Variants in PRKN observed in about 807,000 individuals in gnomAD.
PRKN encodes parkin RBR E3 ubiquitin protein ligase.
A neutral mutation model predicts 59.5 loss-of-function variants in PRKN; 56 were observed. The observed-to-expected ratio is 0.94, with a 90% CI of 0.76 to 1.18. The LOEUF is 1.18. PRKN is among the 50% of genes most tolerant of loss of function. The pLI is 0.00. For synonymous variants in PRKN, 250 were observed against 222.1 expected (o/e 1.13, Z -1.12); for missense variants, 657 against 596.4 (o/e 1.10, Z -1.06).
At chr6:161,927,447 A>G (rs1242927486) in intron 6 of PRKN, among the ~76,000 whole-genome samples, 2 of 152,202 alleles carry the variant, frequency 1.3e-5, no homozygotes, top group African/African-American at 2.4e-5. Flanking sequence ...ACTTATAACT[A>G]GAATAGAAGA....
intron 1 of PRKN, among the ~76,000 whole-genome samples, chr6:162,668,527 T>C (rs1779191664): frequency 7.4e-6 from 1 of 134,710 alleles, no homozygotes; most frequent in Non-Finnish European, 1.5e-5. Flanking sequence ...GATGAGACGA[T>C]GAGGACAGAG....
At position 162,563,176 on chromosome 6, in the gene PRKN, C is replaced by T. The variant is rs569450329; in HGVS notation, c.8-119703G>A. 3.1e-3 allele frequency among the ~76,000 whole-genome samples: 468 copies of T among 152,166 alleles called. 2 individuals carry two copies. Among genetic ancestry groups the T allele is most frequent in the Non-Finnish European group, 3.8e-3 (256 of 67,994 alleles). On this transcript the variant is annotated intron_variant, in intron 1 of 11. Coordinates refer to ENST00000366898, the MANE Select transcript of PRKN (RefSeq NM_004562.3). ...AAAATTAGCCAGACGTAGTGGTGGG[C>T]GCCTGTAGTCCCAGCTACTCGGGAG... is the stretch of plus-strand genomic sequence containing the variant.
At chr6:162,311,380 G>C (rs1486133597) in intron 2 of PRKN, among the ~76,000 whole-genome samples, 2 of 151,618 alleles carry the variant, frequency 1.3e-5, no homozygotes, top group Non-Finnish European at 2.9e-5. Context: ...CAGAAACATA[G>C]CTAAGTTATT....
Position 161,503,614 on chromosome 6 carries a change from A to C in PRKN, c.1083+45240T>G, listed in dbSNP as rs1778041919. Among the ~76,000 whole-genome samples the C allele has an allele frequency of 6.6e-6, 1 of 152,142 alleles. No homozygotes were observed. Among genetic ancestry groups the C allele is most frequent in the South Asian group, 2.1e-4 (1 of 4,828 alleles). ...ACTGAGGGGGCTATGGGGGCGACCT[A>C]GTCTAGCTGGGTTCTAAGGCAGTTG... On this transcript the variant is annotated intron_variant, in intron 9 of 11. Coordinates refer to ENST00000366898, the MANE Select transcript of PRKN (RefSeq NM_004562.3). The surrounding 1 kb of genome is among the most constrained non-coding windows in gnomAD (Gnocchi z 5.1).
At chr6:161,765,741 A>G (rs574937437) in intron 7 of PRKN, among the ~76,000 whole-genome samples, 4 of 152,200 alleles carry the variant, frequency 2.6e-5, no homozygotes, top group Non-Finnish European at 5.9e-5. Context: ...ATTTCATCCA[A>G]CAAGAGGTCT....
At chr6:162,323,329 T>C (rs1247346203) in intron 2 of PRKN, among the ~76,000 whole-genome samples, 2 of 151,986 alleles carry the variant, frequency 1.3e-5, no homozygotes, top group Non-Finnish European at 2.9e-5. Flanking sequence ...AGAAAATCTT[T>C]ATAATCTTTG....
At chr6:161,748,981 C>T (rs893768034) in intron 7 of PRKN, among the ~76,000 whole-genome samples, 11 of 152,290 alleles carry the variant, frequency 7.2e-5, no homozygotes, top group Admixed American at 1.3e-4. Context: ...ACCAACCCGC[C>T]GCCAGGGGGC....
At chr6:161,760,493 C>T (rs1789149323) in intron 7 of PRKN, among the ~76,000 whole-genome samples, 1 of 151,890 alleles carries the variant, frequency 6.6e-6, no homozygotes, top group Non-Finnish European at 1.5e-5. Flanking sequence ...AGCCTGCCCT[C>T]TGCAGTGGGG....
chr6:162,650,648 G>A (rs1778394643), intron 1 of PRKN, among the ~76,000 whole-genome samples: 1 of 150,902 alleles, frequency 6.6e-6, no homozygotes, highest in African/African-American at 2.4e-5. Flanking sequence ...AAACCTCAGA[G>A]AGATTTTAAC....
chr6:161,415,454 T>C (rs942612227), intron 9 of PRKN, among the ~76,000 whole-genome samples: 1 of 152,076 alleles, frequency 6.6e-6, no homozygotes, highest in African/African-American at 2.4e-5. Flanking sequence ...TGCCGAACCC[T>C]TTACGTGAGT....
chr6:161,865,795 G>A (rs757889108), intron 6 of PRKN, among the ~76,000 whole-genome samples: 1 of 152,166 alleles, frequency 6.6e-6, no homozygotes, highest in South Asian at 2.1e-4. Flanking sequence ...CAGCGATAAG[G>A]CTGTTTCACT....
intron 4 of PRKN, among the ~76,000 whole-genome samples, chr6:162,092,066 C>T (rs1356469459): frequency 6.6e-6 from 1 of 151,968 alleles, no homozygotes; most frequent in East Asian, 1.9e-4. Context: ...ACAAGTTTAC[C>T]ACTAATAGGC....
intron 1 of PRKN, among the ~76,000 whole-genome samples, chr6:162,710,878 A>G (rs576318213): frequency 3.3e-5 from 5 of 152,334 alleles, no homozygotes; most frequent in African/African-American, 1.2e-4. Context: ...AGGGCCTAAG[A>G]GGCCTTCCTG....
intron 6 of PRKN, among the ~76,000 whole-genome samples, chr6:161,921,333 T>C (rs1778779302): frequency 6.6e-6 from 1 of 152,134 alleles, no homozygotes; most frequent in Non-Finnish European, 1.5e-5. Context: ...CTTCTGGAAA[T>C]CCTCCTGAAG....
intron 4 of PRKN, among the ~76,000 whole-genome samples, chr6:162,115,606 G>C (rs1236684751): frequency 6.6e-6 from 1 of 151,414 alleles, no homozygotes; most frequent in East Asian, 1.9e-4. Flanking sequence ...AGTGTTATCT[G>C]AGAGATCACT....
At chr6:162,122,591 T>A (rs754659350) in intron 4 of PRKN, among the ~76,000 whole-genome samples, 1 of 152,140 alleles carries the variant, frequency 6.6e-6, no homozygotes, top group Non-Finnish European at 1.5e-5. Flanking sequence ...TCATGTCTGT[T>A]GATTTTTCTC....
At chr6:162,197,539 T>C (rs941378546) in intron 4 of PRKN, among the ~76,000 whole-genome samples, 1 of 152,210 alleles carries the variant, frequency 6.6e-6, no homozygotes, top group Non-Finnish European at 1.5e-5. Context: ...ACTAGATTTG[T>C]ATAGTGAGGA....
At chr6:162,480,611 G>A (rs934967521) in intron 1 of PRKN, among the ~76,000 whole-genome samples, 4 of 152,080 alleles carry the variant, frequency 2.6e-5, no homozygotes, top group Non-Finnish European at 5.9e-5. Flanking sequence ...ACCAGCGGAC[G>A]GGGACTGCTG....
intron 4 of PRKN, among the ~76,000 whole-genome samples, chr6:162,155,801 GA>G (rs35890771): frequency 0.91 from 128,536 of 140,978 alleles, 58,941 homozygotes; most frequent in Non-Finnish European, 0.98. Context: ...TTTCAGTTAA[GA>G]AAAAAAAAAA....
Sources: gnomAD v4.1 joint callset for allele counts (sites outside exome capture counted in the v4.1 genomes callset) on GRCh38, gnomAD v4.1.1 for gene constraint, Gnocchi (gnomAD v3.1) non-coding constraint, MANE v1.5 for transcripts, NCBI Gene and HGNC (gene_info 2026-07-23, HGNC 2026-07-21) for gene names.